Variants in GALNTL6 observed in about 807,000 individuals in gnomAD.
GALNTL6 encodes polypeptide N-acetylgalactosaminyltransferase-like 6.
Under a neutral mutation model 73.7 loss-of-function variants are expected in GALNTL6, and 46 were observed. The observed-to-expected ratio is 0.62, with a 90% confidence interval of 0.49 to 0.80. GALNTL6 has a LOEUF of 0.80. Among genes scored for constraint, GALNTL6 ranks in the 30% least tolerant of loss-of-function variants. The probability of loss-of-function intolerance (pLI) is 0.00; values close to 1 mark genes in which losing one functional copy is unlikely to be tolerated. For missense variants in GALNTL6, 604 were observed against 755.0 expected, an observed-to-expected ratio of 0.80 and a Z score of 2.34; for synonymous variants, 259 against 263.7, an observed-to-expected ratio of 0.98 and a Z score of 0.17.
intron 5 of GALNTL6, among the ~76,000 whole-genome samples, chr4:172,579,890 A>G (rs1411238071): frequency 1.3e-5 from 2 of 152,068 alleles, no homozygotes; most frequent in Non-Finnish European, 2.9e-5. Flanking sequence ...AGTCACATAA[A>G]AGCATATTTT....
intron 4 of GALNTL6, among the ~76,000 whole-genome samples, chr4:172,312,539 ATAT>A (rs1740398913): frequency 6.6e-6 from 1 of 152,188 alleles, no homozygotes. Flanking sequence ...AACTGTACTA[ATAT>A]AGCTATCCTT....
intron 5 of GALNTL6, among the ~76,000 whole-genome samples, chr4:172,638,537 G>A (rs1382846570): frequency 6.6e-6 from 1 of 151,978 alleles, no homozygotes; most frequent in Non-Finnish European, 1.5e-5. Context: ...ACACATTTTA[G>A]TTTTTAGCTT....
intron 2 of GALNTL6, among the ~76,000 whole-genome samples, chr4:171,928,384 T>G (rs1261209941): frequency 6.6e-6 from 1 of 152,214 alleles, no homozygotes; most frequent in Admixed American, 6.5e-5. Context: ...GTGGAGCCAC[T>G]GTGCTGTCAC....
At chr4:172,533,428 G>A (rs181083456) in intron 5 of GALNTL6, among the ~76,000 whole-genome samples, 12 of 130,752 alleles carry the variant, frequency 9.2e-5, no homozygotes, top group East Asian at 2.6e-4. Context: ...CAGTTCAAGC[G>A]ATTCTTCTGC....
intron 5 of GALNTL6, among the ~76,000 whole-genome samples, chr4:172,526,939 C>G (rs1174177417): frequency 6.8e-6 from 1 of 147,066 alleles, no homozygotes; most frequent in East Asian, 2.1e-4. Flanking sequence ...TCACCAGAAA[C>G]CAGAGCTGGT....
In GALNTL6 at chr4:172,949,465, C is replaced by T. The variant is rs1039674539; in HGVS notation, c.1150-2572C>T. ...CCCAACTGTATTCATTTTCACTTAT[C>T]ACAGAGGTGTAAATTGATGAAAATT... On this transcript the variant is annotated intron_variant, in intron 9 of 12. Coordinates refer to ENST00000506823, the MANE Select transcript of GALNTL6 (RefSeq NM_001034845.3). 4.6e-5 allele frequency among the ~76,000 whole-genome samples: 7 copies of T among 152,306 alleles called. No homozygotes were observed. The South Asian group carries it at 1.4e-3, about 32-fold the overall frequency.
chr4:171,917,399 A>C (rs934844474), intron 2 of GALNTL6, among the ~76,000 whole-genome samples: 1 of 152,090 alleles, frequency 6.6e-6, no homozygotes, highest in African/African-American at 2.4e-5. Flanking sequence ...GCTCCATAAG[A>C]AGCCTTTGAA....
chr4:172,474,754 T>G (rs1579105940), intron 5 of GALNTL6, among the ~76,000 whole-genome samples: 1 of 152,336 alleles, frequency 6.6e-6, no homozygotes, highest in East Asian at 1.9e-4. Flanking sequence ...ATTATTCTCT[T>G]GATTCTCTTG....
At chr4:171,996,044 G>T (rs945943569) in intron 2 of GALNTL6, among the ~76,000 whole-genome samples, 1 of 151,764 alleles carries the variant, frequency 6.6e-6, no homozygotes, top group Non-Finnish European at 1.5e-5. Flanking sequence ...GGCCTCTTAC[G>T]AGCCCATTCC....
At chr4:172,714,465 G>C (rs983598413) in intron 5 of GALNTL6, among the ~76,000 whole-genome samples, 8 of 152,100 alleles carry the variant, frequency 5.3e-5, no homozygotes, top group African/African-American at 1.9e-4. Context: ...GACAGAGTAA[G>C]AAAGGCTTCA....
At chr4:172,780,824 A>G (rs759099213) in intron 5 of GALNTL6, among the ~76,000 whole-genome samples, 10 of 152,184 alleles carry the variant, frequency 6.6e-5, no homozygotes, top group Non-Finnish European at 1.0e-4. Flanking sequence ...TCTGTTTGCT[A>G]TGGCTGCTGA....
At chr4:172,305,492 T>C (rs960631584) in intron 3 of GALNTL6, among the ~76,000 whole-genome samples, 1 of 152,080 alleles carries the variant, frequency 6.6e-6, no homozygotes, top group African/African-American at 2.4e-5. Context: ...TAATAGTAAA[T>C]TATATTATAA....
chr4:172,308,709 A>C (rs968195797), intron 3 of GALNTL6, among the ~76,000 whole-genome samples: 1 of 152,196 alleles, frequency 6.6e-6, no homozygotes, highest in African/African-American at 2.4e-5. Flanking sequence ...TTAAAACCAG[A>C]GACTATATAA....
At chr4:172,925,032 C>T (rs986698973) in intron 8 of GALNTL6, among the ~76,000 whole-genome samples, 2 of 151,898 alleles carry the variant, frequency 1.3e-5, no homozygotes, top group Non-Finnish European at 2.9e-5. Context: ...CCACCACGCC[C>T]GGCTAATTTT....
At chr4:172,916,726 C>T (rs1301507663) in intron 8 of GALNTL6, among the ~76,000 whole-genome samples, 2 of 152,066 alleles carry the variant, frequency 1.3e-5, no homozygotes, top group Admixed American at 1.3e-4. Flanking sequence ...AACTACAAAC[C>T]ACTGCTCAAT....
chr4:172,097,464 T>G (rs1229668502), intron 2 of GALNTL6, among the ~76,000 whole-genome samples: 1 of 152,186 alleles, frequency 6.6e-6, no homozygotes. Flanking sequence ...GTGGAACTTC[T>G]GGGAAAGGTT....
chr4:172,978,012 G>T (rs2126424639), intron 10 of GALNTL6, among the ~76,000 whole-genome samples: 1 of 151,966 alleles, frequency 6.6e-6, no homozygotes, highest in African/African-American at 2.4e-5. Context: ...GCTAATTTTT[G>T]GTATTTTTAG....
chr4:172,171,381 C>T (rs1212188250), intron 2 of GALNTL6, among the ~76,000 whole-genome samples: 2 of 151,958 alleles, frequency 1.3e-5, no homozygotes, highest in African/African-American at 2.4e-5. Context: ...TATAATTTCA[C>T]GTGACATAAA....
At chr4:172,412,780 TAAC>T (rs774228061) in intron 5 of GALNTL6, among the ~76,000 whole-genome samples, 9 of 152,280 alleles carry the variant, frequency 5.9e-5, no homozygotes, top group East Asian at 3.9e-4. Context: ...AGATTGTTTT[TAAC>T]AACAAGTAAC....
Sources: gnomAD v4.1 joint callset for allele counts (sites outside exome capture counted in the v4.1 genomes callset) on GRCh38, gnomAD v4.1.1 for gene constraint, MANE v1.5 for transcripts, NCBI Gene and HGNC (gene_info 2026-07-23, HGNC 2026-07-21) for gene names.